Variants in MTRF1L observed in about 807,000 individuals in gnomAD.
MTRF1L encodes peptide chain release factor 1-like, mitochondrial.
In MTRF1L, 29 loss-of-function variants were observed where a neutral mutation model predicts 40.0. The ratio of observed to expected loss-of-function variants is 0.73; its 90% CI spans 0.54 to 0.99. The LOEUF is 0.99. MTRF1L is among the 50% of genes least tolerant of loss of function. MTRF1L has a pLI of 0.00. For synonymous variants in MTRF1L, 150 were observed against 175.8 expected (o/e 0.85, Z 1.16); for missense variants, 412 against 464.5 (o/e 0.89, Z 1.04).
At position 152,989,905 on chromosome 6, in the gene MTRF1L, T is replaced by C; in HGVS notation, c.1133A>G (p.Gln378Arg). Residue 378 changes from glutamine (Q) to arginine (R), a missense_variant, in exon 7 of 7, where the codon CAA becomes CGA. Transcript: ENST00000367233. ...DYESLVEIIS[Q>R]KV ...AAATAACAAATCAACTTAAACTTTT[T>C]GGGAAATAATTTCTACTAAAGATTC... 6.2e-7 allele frequency: 1 copy of C among 1,610,452 alleles called. No individual in the cohort carries two copies. Among genetic ancestry groups the C allele is most frequent in the Non-Finnish European group, 8.5e-7 (1 of 1,178,996 alleles).
rs531847441 is a variant in MTRF1L, at chr6:152,989,926, G to T, written c.1112C>A (p.Ser371Tyr). ...QSLKEYADYE[S>Y]LVEIISQKV ...TTTTTGGGAAATAATTTCTACTAAA[G>T]ATTCATAATCGGCGTATTCCTTCAA... Residue 371 changes from serine to tyrosine, a missense_variant, in exon 7 of 7, where the codon TCT (serine) becomes TAT (tyrosine). Transcript: ENST00000367233. 3.7e-6 allele frequency: 6 copies of T among 1,612,818 alleles called. No individual in the cohort carries two copies. Among genetic ancestry groups the T allele is most frequent in the African/African-American group, 2.7e-5 (2 of 74,948 alleles).
At chr6:153,002,113 C>T (rs996700625) in intron 1 of MTRF1L, among the ~76,000 whole-genome samples, 3 of 152,204 alleles carry the variant, frequency 2.0e-5, no homozygotes, top group African/African-American at 7.2e-5. Flanking sequence ...CCACACCACA[C>T]TTTGAGAAAC....
At chr6:153,000,066 T>C (rs1388051139) in intron 1 of MTRF1L, among the ~76,000 whole-genome samples, 1 of 152,148 alleles carries the variant, frequency 6.6e-6, no homozygotes, top group Non-Finnish European at 1.5e-5. Flanking sequence ...GAATGGAAAA[T>C]GTGTTAGGAA....
Position 152,995,127 on chromosome 6 carries a change from T to C in MTRF1L, c.523+9A>G. 6.3e-7 allele frequency: 1 copy of C among 1,593,906 alleles called. No individual in the cohort carries two copies. The highest frequency in any genetic ancestry group is 8.5e-7 in the Non-Finnish European group (1 of 1,171,468). ...ACTTTACCTGAAACAAAATGAATAGTTTACTGACCTAGTTCACTTGGAAAA... is the reference window on the plus strand; with the variant it reads ...ACTTTACCTGAAACAAAATGAATAGCTTACTGACCTAGTTCACTTGGAAAA... On this transcript the variant is annotated intron_variant, in intron 3 of 6. Coordinates refer to ENST00000367233, the MANE Select transcript of MTRF1L (RefSeq NM_019041.7).
Position 152,994,675 on chromosome 6 carries a change from A to C in MTRF1L, c.525T>G (p.Gly175=). 6.2e-7 allele frequency: 1 copy of C among 1,614,104 alleles called. No homozygotes were observed. Among genetic ancestry groups the C allele is most frequent in the East Asian group, 2.2e-5 (1 of 44,884 alleles). The change falls in exon 4 of 7, where the codon GGT becomes GGG. Residue 175 remains glycine, a splice_region_variant and synonymous_variant. Coordinates refer to ENST00000367233, the MANE Select transcript of MTRF1L (RefSeq NM_019041.7). Reference sequence around the variant, plus strand: ...TGCTGGCAGATGCATGTCTAAGGCCACCTTGAAAATACAGGGAAATAGAAT... The same window carrying C: ...TGCTGGCAGATGCATGTCTAAGGCCCCCTTGAAAATACAGGGAAATAGAAT... ...ETLEYFPSEL[G]GLRHASASIG... is the part of the protein sequence containing the mutation.
chr6:152,998,648 A>G lies in MTRF1L; in HGVS notation c.260-19T>C. On this transcript the variant is annotated intron_variant, in intron 1 of 6. Transcript: ENST00000367233. ...TTCTCATCTAGGAAAAAAAGGGCAGAAGTTAAGGTTTTCCTTAATTAGTGT... is the reference window on the plus strand; with the variant it reads ...TTCTCATCTAGGAAAAAAAGGGCAGGAGTTAAGGTTTTCCTTAATTAGTGT... 1.3e-6 allele frequency: 2 copies of G among 1,553,018 alleles called. No homozygotes were observed. Among genetic ancestry groups the G allele is most frequent in the Middle Eastern group, 1.7e-4 (1 of 5,888 alleles).
rs768707161 is a variant in MTRF1L, at chr6:152,991,238, T to C, written c.889A>G (p.Ser297Gly). ...AMTKLRAKLY[S>G]MHLEEEINKR... ...TTTATTTCTTCTTCTAGATGCATGCTGTACAGTTTTGCACGTAACTTTGTC... is the reference window on the plus strand; with the variant it reads ...TTTATTTCTTCTTCTAGATGCATGCCGTACAGTTTTGCACGTAACTTTGTC... The change falls in exon 6 of 7, where the codon AGC becomes GGC. Residue 297 changes from serine (S) to glycine (G), a missense_variant. By Grantham distance (56) the Ser-to-Gly change is moderately conservative (BLOSUM62 0). Coordinates refer to ENST00000367233, the MANE Select transcript of MTRF1L (RefSeq NM_019041.7). The C allele has an allele frequency of 1.3e-6, 2 of 1,593,228 alleles. No individual in the cohort carries two copies. Among genetic ancestry groups the C allele is most frequent in the Admixed American group, 3.5e-5 (2 of 57,014 alleles).
At chr6:152,994,757 G>C in intron 3 of MTRF1L, 81 bp from the exon 4 acceptor site, 1 of 1,531,642 alleles carries the variant, frequency 6.5e-7, no homozygotes, top group Non-Finnish European at 9.0e-7. Flanking sequence ...ACTATCTTGA[G>C]GTATATTTTT....
chr6:152,994,672 G>A lies in MTRF1L; in HGVS notation c.528C>T (p.Gly176=). 6.2e-7 allele frequency: 1 copy of A among 1,613,988 alleles called. No individual in the cohort carries two copies. Among genetic ancestry groups the A allele is most frequent in the Non-Finnish European group, 8.5e-7 (1 of 1,179,990 alleles). ...TLEYFPSELG[G]LRHASASIGG... ...CAATGCTGGCAGATGCATGTCTAAG[G>A]CCACCTTGAAAATACAGGGAAATAG... Residue 176 remains glycine, a synonymous_variant, in exon 4 of 7, where the codon GGC becomes GGT. Transcript: ENST00000367233.
chr6:153,002,624 G>C lies in MTRF1L; in HGVS notation c.62C>G (p.Pro21Arg). ...RWLWPRRAVG[P>R]ARRPLSSGSP... ...ACCGGAGCTCAGGGGCCGGCGGGCT[G>C]GGCCAACGGCCCGGCGGGGCCAGAG... Residue 21 changes from proline (P) to arginine (R), a missense_variant, in exon 1 of 7, where the codon CCA becomes CGA. Transcript: ENST00000367233. 5 of 1,535,104 alleles carry C rather than the reference G, an allele frequency of 3.3e-6. No homozygotes were observed. Among genetic ancestry groups the C allele is most frequent in the Non-Finnish European group, 3.5e-6 (4 of 1,141,680 alleles).
At position 152,998,701 on chromosome 6, in the gene MTRF1L, A is replaced by G. The variant is rs549543624; in HGVS notation, c.260-72T>C. 2.7e-4 allele frequency: 276 copies of G among 1,010,722 alleles called. 2 individuals carry two copies. The South Asian group carries it at 3.3e-3, about 12-fold the overall frequency. The allele number at this position is 1,010,722 out of a possible 1,614,324, so 62.6% of individuals were successfully genotyped here. Reference sequence around the variant, plus strand: ...AATTGCTAGCAGACTTCTAGGAAATAGTTTTATGGTTATTATAGCTGAAGG... The same window carrying G: ...AATTGCTAGCAGACTTCTAGGAAATGGTTTTATGGTTATTATAGCTGAAGG... On this transcript the variant is annotated intron_variant, in intron 1 of 6. Transcript: ENST00000367233.
In MTRF1L at chr6:153,002,667, A is replaced by G. The variant is rs966191266; in HGVS notation, c.19T>C (p.Trp7Arg). The G allele has an allele frequency of 6.3e-5, 94 of 1,499,816 alleles. No individual in the cohort carries two copies. The highest frequency in any genetic ancestry group is 7.4e-5 in the Non-Finnish European group (84 of 1,129,300). 92.9% of individuals were successfully genotyped at this position (1,499,816 alleles called of 1,614,324 possible). The change falls in exon 1 of 7, where the codon TGG becomes CGG. Residue 7 changes from tryptophan to arginine, a missense_variant. Physicochemically the swap from Trp to Arg is moderately radical, Grantham distance 101. Transcript: ENST00000367233. MRSRVL[W>R]GAARWLWPRR... ...GGCCAGAGCCACCGGGCAGCGCCCC[A>G]CAGAACCCGGGACCGCATCCTTAGT...
rs143876396 is a variant in MTRF1L, at chr6:152,996,236, A to T, written c.340-917T>A. On this transcript the variant is annotated intron_variant, in intron 2 of 6. Transcript: ENST00000367233. ...AAGAGCTAGAATTGAACCTGAATAT[A>T]CCTGAGTACACTGCTATCACACTTG... Among the ~76,000 whole-genome samples, 6 of 152,278 alleles carry T rather than the reference A, an allele frequency of 3.9e-5. No homozygotes were observed. The East Asian group carries it at 1.2e-3, about 29-fold the overall frequency.
intron 4 of MTRF1L, among the ~76,000 whole-genome samples, chr6:152,994,093 A>C (rs1168895143): frequency 6.6e-6 from 1 of 152,232 alleles, no homozygotes; most frequent in East Asian, 1.9e-4. Context: ...TGAACAGTAT[A>C]ACAATATACT....
intron 1 of MTRF1L, among the ~76,000 whole-genome samples, chr6:153,001,500 C>T (rs1450025760): frequency 2.0e-5 from 3 of 152,086 alleles, no homozygotes; most frequent in Non-Finnish European, 4.4e-5. Flanking sequence ...ATTGGAATTC[C>T]TTTTCACAGG....
chr6:152,991,369 T>C (rs747253272), intron 5 of MTRF1L, 48 bp from the exon 6 acceptor site: 2 of 1,501,892 alleles, frequency 1.3e-6, no homozygotes, highest in South Asian at 1.3e-5. Flanking sequence ...AAAATCTTCT[T>C]TACTTATTAT....
chr6:152,994,823 G>A, intron 3 of MTRF1L, 147 bp from the exon 4 acceptor site: 16 of 1,019,444 alleles, frequency 1.6e-5, no homozygotes, highest in Non-Finnish European at 2.3e-5. Flanking sequence ...AATATTCAAT[G>A]TTTTAATATT....
At chr6:152,993,056 C>A in intron 4 of MTRF1L, 82 bp from the exon 5 acceptor site, 1 of 935,138 alleles carries the variant, frequency 1.1e-6, no homozygotes, top group Admixed American at 1.8e-5. Context: ...TATGAATATA[C>A]AACATGTACA....
In MTRF1L at chr6:152,994,670, A is replaced by C. The variant is rs1001547859; in HGVS notation, c.530T>G (p.Leu177Arg). The change falls in exon 4 of 7, where the codon CTT (leucine) becomes CGT (arginine). Residue 177 changes from leucine to arginine, a missense_variant. Leu to Arg is a moderately radical substitution (Grantham distance 102). Coordinates refer to ENST00000367233, the MANE Select transcript of MTRF1L (RefSeq NM_019041.7). Reference sequence around the variant, plus strand: ...CCCAATGCTGGCAGATGCATGTCTAAGGCCACCTTGAAAATACAGGGAAAT... The same window carrying C: ...CCCAATGCTGGCAGATGCATGTCTACGGCCACCTTGAAAATACAGGGAAAT... ...LEYFPSELGG[L>R]RHASASIGGS... The C allele has an allele frequency of 1.2e-6, 2 of 1,614,022 alleles. No homozygotes were observed. The highest frequency in any genetic ancestry group is 2.7e-5 in the African/African-American group (2 of 74,920).
Sources: allele counts gnomAD v4.1 joint callset (sites outside exome capture counted in the v4.1 genomes callset), GRCh38; gene constraint gnomAD v4.1.1; transcripts MANE v1.5; gene names NCBI Gene and HGNC (gene_info 2026-07-23, HGNC 2026-07-21).